The following SUZ12 variants were observed in gnomAD, a reference collection of about 807,000 sequenced individuals.
SUZ12 encodes SUZ12 polycomb repressive complex 2 subunit, also known as polycomb protein SUZ12.
A neutral mutation model predicts 87.3 loss-of-function variants in SUZ12; 17 were observed. The ratio of observed to expected loss-of-function variants is 0.19; its 90% CI spans 0.13 to 0.29. SUZ12 has a LOEUF of 0.29. SUZ12 is among the 10% of genes least tolerant of loss of function. The pLI, the probability that SUZ12 is intolerant of heterozygous loss-of-function variation, is 1.00. For missense variants in SUZ12, 526 were observed against 912.2 expected (o/e 0.58, Z 5.45); for synonymous variants, 253 against 312.4 (o/e 0.81, Z 2.01).
chr17:32,000,412 A>C lies in SUZ12; in HGVS notation c.*1409A>C. 1 of 232,622 alleles carries C rather than the reference A, an allele frequency of 4.3e-6. No homozygotes were observed. The highest frequency in any genetic ancestry group is 8.5e-6 in the Non-Finnish European group (1 of 117,730). 14.4% of individuals were successfully genotyped at this position (232,622 alleles called of 1,614,324 possible). On this transcript the variant is annotated 3_prime_UTR_variant, in exon 16 of 16. Coordinates refer to ENST00000322652, the MANE Select transcript of SUZ12 (RefSeq NM_015355.4). ...GTTTAACTGTGAGGCTATTTAACGAATAGTGTGGATGTGATTTGTCATCCA... is the reference window on the plus strand; with the variant it reads ...GTTTAACTGTGAGGCTATTTAACGACTAGTGTGGATGTGATTTGTCATCCA...
At chr17:31,953,746 G>A (rs1462310191) in intron 4 of SUZ12, among the ~76,000 whole-genome samples, 9 of 135,376 alleles carry the variant, frequency 6.6e-5, no homozygotes, top group East Asian at 4.3e-4. Flanking sequence ...ACTGAGTCTC[G>A]CCCTGTTGCC....
chr17:31,943,359 T>C (rs1567811634), intron 3 of SUZ12, among the ~76,000 whole-genome samples: 1 of 152,192 alleles, frequency 6.6e-6, no homozygotes, highest in African/African-American at 2.4e-5. Flanking sequence ...AGAAAAAATT[T>C]ACAGTTTTTT....
At chr17:31,950,334 A>G (rs1396452287) in intron 4 of SUZ12, among the ~76,000 whole-genome samples, 2 of 152,192 alleles carry the variant, frequency 1.3e-5, no homozygotes, top group South Asian at 2.1e-4. Flanking sequence ...CCTAAACACC[A>G]GTATATGATG....
In SUZ12 at chr17:31,999,566, G is replaced by C. The variant is rs1369868367; in HGVS notation, c.*563G>C. ...TCAATTCGGAATGAAAAATTATAAT[G>C]TAATTTTACATTACATAAGTTCCTT... On this transcript the variant is annotated 3_prime_UTR_variant, in exon 16 of 16. Coordinates refer to ENST00000322652, the MANE Select transcript of SUZ12 (RefSeq NM_015355.4). 2 of 230,774 alleles carry C rather than the reference G, an allele frequency of 8.7e-6. No individual in the cohort carries two copies. The highest frequency in any genetic ancestry group is 4.4e-5 in the African/African-American group (2 of 45,220). 14.3% of individuals were successfully genotyped at this position (230,774 alleles called of 1,614,324 possible).
chr17:31,974,229 T>C (rs1006249466), intron 6 of SUZ12, among the ~76,000 whole-genome samples: 12 of 151,146 alleles, frequency 7.9e-5, no homozygotes, highest in African/African-American at 2.9e-4. Context: ...AAAATGTATG[T>C]AAAGTTAGGA....
chr17:31,941,938 C>T (rs1217476156), intron 3 of SUZ12, among the ~76,000 whole-genome samples: 9 of 151,930 alleles, frequency 5.9e-5, no homozygotes, highest in Admixed American at 2.6e-4. Flanking sequence ...CTGCAACCTC[C>T]GCTTCCCGGG....
In SUZ12 at chr17:31,988,331, A is replaced by G. The variant is rs1219912111; in HGVS notation, c.1035A>G (p.Pro345=). The G allele has an allele frequency of 1.9e-6, 3 of 1,562,884 alleles. No homozygotes were observed. In the Admixed American group the frequency reaches 6.2e-5, roughly 32 times the overall value. Residue 345 remains proline (P), a synonymous_variant, in exon 10 of 16, where the codon CCA becomes CCG. Transcript: ENST00000322652. ...ETILDGKRLP[P]FETFSQGPTL... is the part of the protein sequence containing the mutation. ...TTTTTATTTTTTAGAGGCTGCCTCC[A>G]TTCGAAACATTTTCTCAGGGACCTA...
intron 8 of SUZ12, among the ~76,000 whole-genome samples, chr17:31,981,347 G>A (rs1296784007): frequency 3.3e-5 from 5 of 152,110 alleles, no homozygotes; most frequent in Admixed American, 2.6e-4. Flanking sequence ...CAATTAAAAC[G>A]ACAAAACATC....
At chr17:31,942,206 G>A (rs1391117279) in intron 3 of SUZ12, among the ~76,000 whole-genome samples, 5 of 152,040 alleles carry the variant, frequency 3.3e-5, no homozygotes, top group Admixed American at 3.3e-4. Flanking sequence ...ATTTACTAAA[G>A]GGCTCAGGGT....
At chr17:31,970,959 C>G (rs570094620) in intron 5 of SUZ12, among the ~76,000 whole-genome samples, 4 of 152,242 alleles carry the variant, frequency 2.6e-5, no homozygotes, top group African/African-American at 9.6e-5. Context: ...ACTGTTAATA[C>G]CTTTGGGACT....
chr17:31,981,591 T>A (rs1359139730), intron 8 of SUZ12, among the ~76,000 whole-genome samples: 3 of 152,230 alleles, frequency 2.0e-5, no homozygotes, highest in Non-Finnish European at 4.4e-5. Flanking sequence ...ATTTATTACC[T>A]CTTTGAGTAA....
intron 3 of SUZ12, among the ~76,000 whole-genome samples, chr17:31,945,847 A>G (rs117979353): frequency 0.099 from 15,099 of 152,234 alleles, 1,026 homozygotes; most frequent in Middle Eastern, 0.15. Context: ...TAATCATTAC[A>G]TAAACATTAT....
rs866016404 is a variant in SUZ12 at position 31,999,151 on chromosome 17, G to A, written c.*148G>A. The A allele has an allele frequency of 3.9e-5, 24 of 616,794 alleles. No homozygotes were observed. The highest frequency in any genetic ancestry group is 4.5e-4 in the Middle Eastern group (1 of 2,236). 38.2% of individuals were successfully genotyped at this position (616,794 alleles called of 1,614,324 possible). On this transcript the variant is annotated 3_prime_UTR_variant, in exon 16 of 16. Coordinates refer to ENST00000322652, the MANE Select transcript of SUZ12 (RefSeq NM_015355.4). ...GATTTCAACAAGGATATTTGTATCAGGGTTCTACTTCACTTCATTATGCAG... is the reference window on the plus strand; with the variant it reads ...GATTTCAACAAGGATATTTGTATCAAGGTTCTACTTCACTTCATTATGCAG...
intron 5 of SUZ12, among the ~76,000 whole-genome samples, chr17:31,969,349 GTTGGTCAGGTTGGTCTC>G (rs1219888190): frequency 6.6e-6 from 1 of 152,064 alleles, no homozygotes; most frequent in African/African-American, 2.4e-5. Flanking sequence ...GTTTCTCCAC[GTTGGTCAGGTTGGTCTC>G]TTGAACTCCC....
Position 31,996,824 on chromosome 17 carries a change from T to C in SUZ12, c.1821T>C (p.Asn607=), listed in dbSNP as rs1910001336. Residue 607 remains asparagine (N), a synonymous_variant, in exon 15 of 16, where the codon AAT becomes AAC. Transcript: ENST00000322652. ...AAATTGAAGAGTTTTCTGATGTTAA[T>C]GAAGGAGAGAAAGAAGTGATGAAAC... ...ITQIEEFSDV[N]EGEKEVMKLW... is the part of the protein sequence containing the mutation. The C allele has an allele frequency of 6.4e-7, 1 of 1,555,272 alleles. No individual in the cohort carries two copies. Among genetic ancestry groups the C allele is most frequent in the Non-Finnish European group, 8.6e-7 (1 of 1,160,798 alleles).
At chr17:31,984,283 G>A (rs1485148903) in intron 9 of SUZ12, among the ~76,000 whole-genome samples, 2 of 152,174 alleles carry the variant, frequency 1.3e-5, no homozygotes, top group Non-Finnish European at 2.9e-5. Flanking sequence ...AAAGGTGGTG[G>A]TATAGCTATG....
At chr17:31,946,182 C>G (rs1906624793) in intron 3 of SUZ12, among the ~76,000 whole-genome samples, 1 of 152,026 alleles carries the variant, frequency 6.6e-6, no homozygotes, top group East Asian at 1.9e-4. Context: ...CAGTAGTTTA[C>G]TATATTTACA....
chr17:31,959,406 C>G (rs1391863249), intron 4 of SUZ12, among the ~76,000 whole-genome samples: 1 of 152,176 alleles, frequency 6.6e-6, no homozygotes, highest in Non-Finnish European at 1.5e-5. Flanking sequence ...TAGACACACA[C>G]ACATCATCCA....
chr17:31,994,099 A>T, intron 12 of SUZ12, 91 bp downstream of exon 12: 1 of 1,316,544 alleles, frequency 7.6e-7, no homozygotes, highest in Non-Finnish European at 1.0e-6. Flanking sequence ...AAAATTTTTT[A>T]AATTAAAAAA....
Sources: gnomAD v4.1 joint callset for allele counts (sites outside exome capture counted in the v4.1 genomes callset) on GRCh38, gnomAD v4.1.1 for gene constraint, MANE v1.5 for transcripts, NCBI Gene and HGNC (gene_info 2026-07-23, HGNC 2026-07-21) for gene names.